RASGRF1: variants seen among roughly 807,000 people sequenced by gnomAD.
RASGRF1 encodes ras-specific guanine nucleotide-releasing factor 1.
Under a neutral mutation model 138.7 loss-of-function variants are expected in RASGRF1, and 40 were observed. The ratio of observed to expected loss-of-function variants is 0.29; its 90% CI spans 0.22 to 0.38. RASGRF1 has a LOEUF of 0.38. Ranked by LOEUF, RASGRF1 falls within the 10% of genes least tolerant of loss-of-function variation. The probability of loss-of-function intolerance (pLI) is 1.00; values close to 1 mark genes in which losing one functional copy is unlikely to be tolerated. For synonymous variants in RASGRF1, 614 were observed against 663.2 expected, an observed-to-expected ratio of 0.93 and a Z score of 1.14; for missense variants, 1,108 against 1,650.4, an observed-to-expected ratio of 0.67 and a Z score of 5.69.
At chr15:79,068,628 A>G (rs983591546) in intron 1 of RASGRF1, among the ~76,000 whole-genome samples, 1 of 149,606 alleles carries the variant, frequency 6.7e-6, no homozygotes, top group Admixed American at 6.8e-5. Context: ...ACACACACAC[A>G]CGCTTTTATA....
chr15:79,083,511 C>T (rs941845116), intron 1 of RASGRF1, among the ~76,000 whole-genome samples: 1 of 152,170 alleles, frequency 6.6e-6, no homozygotes, highest in Non-Finnish European at 1.5e-5. Context: ...TTCAGAGTTG[C>T]GAGGTTCCCA....
intron 5 of RASGRF1, among the ~76,000 whole-genome samples, chr15:79,040,471 A>G (rs777778307): frequency 6.6e-6 from 1 of 151,910 alleles, no homozygotes; most frequent in Non-Finnish European, 1.5e-5. Flanking sequence ...ACCCTGTAGG[A>G]ACTGCCTCTG....
chr15:79,062,730 G>A (rs2057624266), intron 2 of RASGRF1, among the ~76,000 whole-genome samples: 1 of 152,032 alleles, frequency 6.6e-6, no homozygotes, highest in Non-Finnish European at 1.5e-5. Flanking sequence ...TTTTAGTAGA[G>A]ATGGGGCTTC....
At chr15:79,011,739 G>C (rs1434789808) in intron 13 of RASGRF1, among the ~76,000 whole-genome samples, 1 of 152,202 alleles carries the variant, frequency 6.6e-6, no homozygotes, top group Non-Finnish European at 1.5e-5. Context: ...GAGAGAGGTG[G>C]CACAAAGAAA....
chr15:78,963,545 A>C (rs908660095), intron 26 of RASGRF1, among the ~76,000 whole-genome samples: 7 of 152,014 alleles, frequency 4.6e-5, no homozygotes, highest in Non-Finnish European at 1.0e-4. Context: ...CAAGTGATCC[A>C]CCTGCCTTGG....
At position 79,004,149 on chromosome 15, in the gene RASGRF1, C is replaced by G. The variant is rs764386733; in HGVS notation, c.2102G>C (p.Gly701Ala). 6.3e-6 allele frequency: 10 copies of G among 1,594,068 alleles called. No individual in the cohort carries two copies. The highest frequency in any genetic ancestry group is 4.5e-5 in the East Asian group (2 of 44,482). The part of the protein sequence containing the change: ...ARSLELLFAS[G>A]QNNKLLYGEP... ...ACCGTACAGGAGCTTATTGTTCTGGCCACTGGCAAACAGGAGCTCCAGCGA... is the reference window on the plus strand; with the variant it reads ...ACCGTACAGGAGCTTATTGTTCTGGGCACTGGCAAACAGGAGCTCCAGCGA... Residue 701 changes from glycine to alanine, a missense_variant, in exon 15 of 27, where the codon GGC (glycine) becomes GCC (alanine). Around this residue, in one of 3 missense-constraint regions of RASGRF1, gnomAD observed 686 missense variants for 976.7 expected, o/e 0.70. Coordinates refer to ENST00000558480, the MANE Select transcript of RASGRF1 (RefSeq NM_001145648.3).
intron 8 of RASGRF1, among the ~76,000 whole-genome samples, chr15:79,029,453 A>G (rs755936650): frequency 7.9e-5 from 12 of 152,154 alleles, no homozygotes; most frequent in Admixed American, 2.6e-4. Flanking sequence ...TGCAGTTTAC[A>G]CATTCTAAGT....
chr15:79,084,599 A>C (rs936004478), intron 1 of RASGRF1, among the ~76,000 whole-genome samples: 2 of 152,174 alleles, frequency 1.3e-5, no homozygotes, highest in Non-Finnish European at 2.9e-5. Context: ...CTCTCAGCAC[A>C]CACCACCCAC....
intron 17 of RASGRF1, among the ~76,000 whole-genome samples, chr15:78,999,361 C>T (rs2056466670): frequency 6.6e-6 from 1 of 152,150 alleles, no homozygotes; most frequent in Non-Finnish European, 1.5e-5. Context: ...ATTCAGCTGG[C>T]AGCTGGAAGA....
At position 78,960,238 on chromosome 15, in the gene RASGRF1, A is replaced by G. The variant is rs150686064; in HGVS notation, c.*1906T>C. The G allele has an allele frequency of 0.011, 1,732 of 152,692 alleles. 27 individuals carry two copies. Among genetic ancestry groups the G allele is most frequent in the African/African-American group, 0.036 (1,517 of 41,592 alleles). The allele number at this position is 152,692 out of a possible 1,614,324, so 9.5% of individuals were successfully genotyped here. On this transcript the variant is annotated 3_prime_UTR_variant, in exon 27 of 27. Coordinates refer to ENST00000558480, the MANE Select transcript of RASGRF1 (RefSeq NM_001145648.3). Reference sequence around the variant, plus strand: ...AGCAGTTATGGAGCCAGCTGGCTGCAGGTCCCAGGGGAGGCGGCCTTGGGA... The same window carrying G: ...AGCAGTTATGGAGCCAGCTGGCTGCGGGTCCCAGGGGAGGCGGCCTTGGGA...
At chr15:79,026,334 T>C (rs1002014848) in intron 9 of RASGRF1, among the ~76,000 whole-genome samples, 2 of 152,222 alleles carry the variant, frequency 1.3e-5, no homozygotes, top group African/African-American at 4.8e-5. Flanking sequence ...CTTCCTTCAC[T>C]CTGTCTTCCC....
In RASGRF1 at chr15:78,961,170, A is replaced by G. The variant is rs1340443262; in HGVS notation, c.*974T>C. 1.4e-4 allele frequency: 21 copies of G among 152,248 alleles called. No homozygotes were observed. The highest frequency in any genetic ancestry group is 1.4e-3 in the Admixed American group (21 of 15,288). 9.4% of individuals were successfully genotyped at this position (152,248 alleles called of 1,614,324 possible). ...GTAATATTCACAGAATAAGCACTAC[A>G]TTACTATATTCCTGCTAGAAGGCAT... On this transcript the variant is annotated 3_prime_UTR_variant, in exon 27 of 27. Coordinates refer to ENST00000558480, the MANE Select transcript of RASGRF1 (RefSeq NM_001145648.3).
At chr15:78,977,726 A>T (rs987319744) in intron 24 of RASGRF1, among the ~76,000 whole-genome samples, 1 of 152,238 alleles carries the variant, frequency 6.6e-6, no homozygotes, top group East Asian at 1.9e-4. Context: ...GCAGCAGCCT[A>T]CAATAACAGC....
intron 2 of RASGRF1, among the ~76,000 whole-genome samples, chr15:79,061,727 T>C (rs980446373): frequency 7.2e-5 from 11 of 152,214 alleles, no homozygotes; most frequent in African/African-American, 2.7e-4. Context: ...TTGAGATTCT[T>C]CCACCAGGTT....
At chr15:78,978,897 G>A (rs1403407036) in intron 24 of RASGRF1, 26 of 1,244,488 alleles carry the variant, frequency 2.1e-5, no homozygotes, top group Non-Finnish European at 2.6e-5. Flanking sequence ...CTGTGCTGCA[G>A]GGAGCAGGGG....
At chr15:79,034,594 C>T (rs1461015260) in intron 6 of RASGRF1, among the ~76,000 whole-genome samples, 1 of 152,038 alleles carries the variant, frequency 6.6e-6, no homozygotes. Flanking sequence ...AATGACAGTG[C>T]CTTCATGGGT....
At chr15:78,970,621 C>CAAAAAAAA (rs55689628) in intron 26 of RASGRF1, among the ~76,000 whole-genome samples, 4 of 57,890 alleles carry the variant, frequency 6.9e-5, no homozygotes, top group Non-Finnish European at 6.9e-5. Flanking sequence ...GACTCTGTCT[C>CAAAAAAAA]AAAAAAAAAA....
intron 13 of RASGRF1, among the ~76,000 whole-genome samples, chr15:79,011,132 G>A (rs1429301027): frequency 6.6e-6 from 1 of 151,972 alleles, no homozygotes; most frequent in East Asian, 1.9e-4. Flanking sequence ...AGAGTGGCTG[G>A]CAGTGGGGAG....
chr15:78,995,614 G>T (rs1476588686), intron 20 of RASGRF1, 126 bp downstream of exon 20: 2 of 1,186,918 alleles, frequency 1.7e-6, no homozygotes, highest in Non-Finnish European at 2.5e-6. Context: ...AAGCCGCCCA[G>T]TTTGTGGTAT....
Sources: gnomAD v4.1 joint callset for allele counts (sites outside exome capture counted in the v4.1 genomes callset) on GRCh38, gnomAD v4.1.1 for gene constraint, gnomAD v4.1.1 regional missense constraint, MANE v1.5 for transcripts, NCBI Gene and HGNC (gene_info 2026-07-23, HGNC 2026-07-21) for gene names.